PLA1A: variants seen among roughly 807,000 people sequenced by gnomAD.
PLA1A encodes phosphatidylserine-specific phospholipase A1alpha.
PLA1A carries 47 observed loss-of-function variants against 49.4 expected under a neutral mutation model. The observed-to-expected ratio is 0.95, with a 90% confidence interval of 0.75 to 1.21. PLA1A has a LOEUF of 1.21. Ranked by LOEUF, PLA1A falls within the 50% of genes most tolerant of loss-of-function variation. The pLI is 0.00. For synonymous variants in PLA1A, 224 were observed against 207.9 expected (o/e 1.08, Z -0.67); for missense variants, 561 against 563.9 (o/e 0.99, Z 0.05).
At chr3:119,599,471 T>G (rs2082586114) in intron 1 of PLA1A, among the ~76,000 whole-genome samples, 1 of 152,158 alleles carries the variant, frequency 6.6e-6, no homozygotes, top group South Asian at 2.1e-4. Flanking sequence ...CCTTAGGGGC[T>G]GGAAGGCATT....
rs2082788382 is a variant in PLA1A at position 119,612,913 on chromosome 3, G to A, written c.563-104G>A. On this transcript the variant is annotated intron_variant, in intron 4 of 10. Transcript: ENST00000273371. ...TTCTCCCAACCCTTGGGTCTTTTCT[G>A]GGAGGGTCTATGATCTGCACTGGAA... 1.5e-5 allele frequency: 10 copies of A among 683,142 alleles called. No homozygotes were observed. In the Admixed American group the frequency reaches 1.6e-4, roughly 11 times the overall value. 42.3% of individuals were successfully genotyped at this position (683,142 alleles called of 1,614,324 possible). A position where few individuals can be genotyped will look rare whatever the true frequency, so the allele number is the denominator to read the frequency against.
rs1377375584 is a variant in PLA1A, at chr3:119,618,198, C to A, written c.922+12C>A. On this transcript the variant is annotated intron_variant, in intron 7 of 10. Coordinates refer to ENST00000273371, the MANE Select transcript of PLA1A (RefSeq NM_015900.4). ...CTGCCCAAGGATAGGTAAAGTGCTA[C>A]CCCTTTGACTTCCTTTGACAATGTG... The A allele has an allele frequency of 6.2e-7, 1 of 1,603,388 alleles. No homozygotes were observed. Among genetic ancestry groups the A allele is most frequent in the Non-Finnish European group, 8.5e-7 (1 of 1,173,662 alleles).
intron 3 of PLA1A, 92 bp from the exon 4 acceptor site, chr3:119,609,376 C>G (rs2082734699): frequency 1.2e-6 from 1 of 823,104 alleles, no homozygotes; most frequent in South Asian, 1.3e-5. Context: ...ATGCCCAGGG[C>G]CTCGGCTTCT....
chr3:119,629,513 T>G lies in PLA1A; in HGVS notation c.*45T>G. The G allele has an allele frequency of 2.8e-6, 3 of 1,087,360 alleles. No individual in the cohort carries two copies. The highest frequency in any genetic ancestry group is 4.3e-6 in the Non-Finnish European group (3 of 702,684). 67.4% of individuals were successfully genotyped at this position (1,087,360 alleles called of 1,614,324 possible). The stretch of plus-strand genomic sequence containing the variant: ...ATCTCCCTGCATTTTTTTTTTTTTT[T>G]TGAGAGAGAGGTGTGATGAGGGATG... On this transcript the variant is annotated 3_prime_UTR_variant, in exon 11 of 11. Coordinates refer to ENST00000273371, the MANE Select transcript of PLA1A (RefSeq NM_015900.4).
chr3:119,609,435 C>T (rs2082735662), intron 3 of PLA1A, 33 bp from the exon 4 acceptor site: 2 of 1,336,632 alleles, frequency 1.5e-6, no homozygotes, highest in Admixed American at 3.4e-5. Flanking sequence ...GACTCTGTGG[C>T]CCACGGGGAA....
chr3:119,604,381 A>G (rs1438238038), intron 1 of PLA1A, among the ~76,000 whole-genome samples: 1 of 151,676 alleles, frequency 6.6e-6, no homozygotes, highest in Admixed American at 6.6e-5. Context: ...ATGAATGAAT[A>G]AAAAAAAAGA....
intron 1 of PLA1A, among the ~76,000 whole-genome samples, chr3:119,598,977 T>C (rs565535862): frequency 6.6e-6 from 1 of 152,230 alleles, no homozygotes; most frequent in East Asian, 1.9e-4. Flanking sequence ...CCCTAAAAGG[T>C]GAGGATTTGA....
intron 4 of PLA1A, among the ~76,000 whole-genome samples, chr3:119,612,359 G>A (rs2082777839): frequency 6.6e-6 from 1 of 152,216 alleles, no homozygotes; most frequent in Admixed American, 6.5e-5. Context: ...ACTAGAGTGT[G>A]TAAAACTGCC....
rs201723360 is a variant in PLA1A at position 119,622,118 on chromosome 3, AAGG to A, written c.1012+2469_1012+2471del. 4.0e-3 allele frequency among the ~76,000 whole-genome samples: 598 copies of A among 150,186 alleles called. 7 individuals are homozygous for A. Among genetic ancestry groups the A allele is most frequent in the African/African-American group, 0.014 (563 of 40,560 alleles). On this transcript the variant is annotated intron_variant, in intron 8 of 10. Coordinates refer to ENST00000273371, the MANE Select transcript of PLA1A (RefSeq NM_015900.4). ...GAAGAAGAAGAAGAAGGAGAAGGAG[AAGG>A]AGAAGAAGAGGAAGAGGAGGAGGAG...
chr3:119,625,765 TG>T (rs2052521342), intron 9 of PLA1A, among the ~76,000 whole-genome samples: 1 of 152,066 alleles, frequency 6.6e-6, no homozygotes, highest in African/African-American at 2.4e-5. Context: ...TTCCTGAAAC[TG>T]GGGGTAGTCA....
intron 4 of PLA1A, among the ~76,000 whole-genome samples, chr3:119,609,946 T>C (rs2082743399): frequency 6.6e-6 from 1 of 152,208 alleles, no homozygotes; most frequent in African/African-American, 2.4e-5. Context: ...CAGTACTTGA[T>C]AGGTAGTTTT....
intron 4 of PLA1A, among the ~76,000 whole-genome samples, chr3:119,612,368 C>T (rs2082777940): frequency 6.6e-6 from 1 of 152,148 alleles, no homozygotes; most frequent in African/African-American, 2.4e-5. Context: ...TGTAAAACTG[C>T]CCGGCATAAG....
intron 1 of PLA1A, among the ~76,000 whole-genome samples, chr3:119,600,759 T>C (rs2082607688): frequency 6.6e-6 from 1 of 152,182 alleles, no homozygotes; most frequent in African/African-American, 2.4e-5. Flanking sequence ...TCAGAGACAC[T>C]CCTGGCTGCT....
At chr3:119,627,861 T>A (rs1379546319) in intron 9 of PLA1A, among the ~76,000 whole-genome samples, 3 of 152,194 alleles carry the variant, frequency 2.0e-5, no homozygotes, top group African/African-American at 7.2e-5. Context: ...AATCTCACGA[T>A]TTTTTGCTTT....
At chr3:119,598,957 A>G (rs1216045756) in intron 1 of PLA1A, among the ~76,000 whole-genome samples, 1 of 152,012 alleles carries the variant, frequency 6.6e-6, no homozygotes, top group African/African-American at 2.4e-5. Context: ...CTCCTACCTC[A>G]ATTAGTTGTC....
chr3:119,619,062 T>C (rs1440407888), intron 7 of PLA1A, among the ~76,000 whole-genome samples: 1 of 152,190 alleles, frequency 6.6e-6, no homozygotes, highest in African/African-American at 2.4e-5. Context: ...CTACACTTTC[T>C]CTTGCACTGA....
chr3:119,620,602 A>C (rs1050330814), intron 8 of PLA1A, among the ~76,000 whole-genome samples: 2 of 152,196 alleles, frequency 1.3e-5, no homozygotes, highest in Admixed American at 1.3e-4. Flanking sequence ...TACTTTAAAG[A>C]ACCAATTGTG....
chr3:119,605,515 C>T (rs758690667), intron 1 of PLA1A, among the ~76,000 whole-genome samples: 22 of 152,358 alleles, frequency 1.4e-4, no homozygotes, highest in Non-Finnish European at 2.4e-4. Context: ...TTACTGTCTT[C>T]CTCAACAAAG....
intron 10 of PLA1A, 67 bp downstream of exon 10, chr3:119,628,932 T>C: frequency 7.9e-7 from 1 of 1,259,676 alleles, no homozygotes; most frequent in Non-Finnish European, 1.1e-6. Flanking sequence ...TGGCATTAGA[T>C]GTGCTGCCTA....
Sources: gnomAD v4.1 joint callset for allele counts (sites outside exome capture counted in the v4.1 genomes callset) on GRCh38, gnomAD v4.1.1 for gene constraint, MANE v1.5 for transcripts, NCBI Gene and HGNC (gene_info 2026-07-23, HGNC 2026-07-21) for gene names.